Variants in SYCP1 observed in about 807,000 individuals in gnomAD.
The protein encoded by SYCP1 is synaptonemal complex protein 1, also known as cancer/testis antigen 8.
Under a neutral mutation model 153.1 loss-of-function variants are expected in SYCP1, and 64 were observed. The ratio of observed to expected loss-of-function variants is 0.42; its 90% CI spans 0.34 to 0.51. The LOEUF (loss-of-function observed/expected upper bound fraction) is 0.51, where lower values mean the gene tolerates loss of function less well. Among genes scored for constraint, SYCP1 ranks in the 20% least tolerant of loss-of-function variants. The probability of loss-of-function intolerance (pLI) is 0.06; values close to 1 mark genes in which losing one functional copy is unlikely to be tolerated. For missense variants in SYCP1, 997 were observed against 1,049.0 expected, an observed-to-expected ratio of 0.95 and a Z score of 0.68; for synonymous variants, 384 against 341.8, an observed-to-expected ratio of 1.12 and a Z score of -1.36.
intron 12 of SYCP1, among the ~76,000 whole-genome samples, chr1:114,880,908 G>A (rs1222241153): frequency 6.6e-6 from 1 of 151,954 alleles, no homozygotes; most frequent in Non-Finnish European, 1.5e-5. Context: ...TTTAATGTTT[G>A]CTTGTTATTG....
In SYCP1 at chr1:114,886,187, T is replaced by A; in HGVS notation, c.1068T>A (p.Thr356=). The A allele has an allele frequency of 1.2e-6, 2 of 1,611,928 alleles. No individual in the cohort carries two copies. Among genetic ancestry groups the A allele is most frequent in the Non-Finnish European group, 1.7e-6 (2 of 1,179,172 alleles). The change falls in exon 14 of 32, where the codon ACT becomes ACA. Residue 356 remains threonine (T), a synonymous_variant. Coordinates refer to ENST00000369522, the MANE Select transcript of SYCP1 (RefSeq NM_003176.4). ...QIATKTICQL[T]EEKETQMEES... Reference sequence around the variant, plus strand: ...CAACAAAAACAATTTGTCAGCTAACTGAAGAAAAAGAAACTCAAATGGAAG... The same window carrying A: ...CAACAAAAACAATTTGTCAGCTAACAGAAGAAAAAGAAACTCAAATGGAAG...
intron 27 of SYCP1, among the ~76,000 whole-genome samples, chr1:114,951,463 T>C (rs1039603511): frequency 7.2e-5 from 11 of 152,214 alleles, no homozygotes; most frequent in African/African-American, 2.7e-4. Flanking sequence ...AAGATAGATA[T>C]TTCTTTACAA....
chr1:114,903,728 A>G (rs1557785944), intron 16 of SYCP1, among the ~76,000 whole-genome samples: 1 of 152,212 alleles, frequency 6.6e-6, no homozygotes, highest in South Asian at 2.1e-4. Context: ...AGAACAGTTA[A>G]GAGTAGACAG....
chr1:114,872,213 C>A (rs1311976385), intron 8 of SYCP1, among the ~76,000 whole-genome samples: 7 of 151,918 alleles, frequency 4.6e-5, no homozygotes, highest in Admixed American at 1.3e-4. Flanking sequence ...TAAATAATTT[C>A]TTTTAACATT....
intron 12 of SYCP1, among the ~76,000 whole-genome samples, chr1:114,884,600 G>C (rs1279312461): frequency 6.6e-6 from 1 of 152,130 alleles, no homozygotes; most frequent in African/African-American, 2.4e-5. Flanking sequence ...TTAGTGTTCA[G>C]TTTCTACCAT....
chr1:114,982,259 T>G (rs182367049), intron 29 of SYCP1, among the ~76,000 whole-genome samples: 3 of 152,128 alleles, frequency 2.0e-5, no homozygotes, highest in Admixed American at 1.3e-4. Flanking sequence ...ATAAAGATGC[T>G]CTTGGAGTTC....
At chr1:114,966,392 G>GA (rs1216871435) in intron 27 of SYCP1, among the ~76,000 whole-genome samples, 1 of 151,960 alleles carries the variant, frequency 6.6e-6, no homozygotes, top group African/African-American at 2.4e-5. Flanking sequence ...GCCAGCTTTT[G>GA]AATCTGTTTG....
intron 20 of SYCP1, among the ~76,000 whole-genome samples, chr1:114,917,803 A>C (rs1668603950): frequency 2.0e-5 from 3 of 152,146 alleles, no homozygotes; most frequent in African/African-American, 7.2e-5. Flanking sequence ...GCCTATTTAG[A>C]TCTTTCGCCC....
chr1:114,981,264 C>A, intron 28 of SYCP1, 72 bp from the exon 29 acceptor site: 2 of 1,242,736 alleles, frequency 1.6e-6, no homozygotes, highest in Non-Finnish European at 2.2e-6. Flanking sequence ...AGTTGCTGCA[C>A]TTTAATTAAA....
chr1:114,884,731 A>C (rs1185299766), intron 12 of SYCP1, among the ~76,000 whole-genome samples: 1 of 152,214 alleles, frequency 6.6e-6, no homozygotes. Flanking sequence ...GACTCTTCAT[A>C]ATATGAATAA....
chr1:114,928,796 C>T (rs1480347754), intron 23 of SYCP1, among the ~76,000 whole-genome samples: 1 of 152,160 alleles, frequency 6.6e-6, no homozygotes, highest in African/African-American at 2.4e-5. Context: ...GTTAGTGATA[C>T]ATACTATCCT....
chr1:114,975,333 AGTGTGTGTGTGTGTGT>A (rs10641182), intron 27 of SYCP1, among the ~76,000 whole-genome samples: 3 of 146,470 alleles, frequency 2.0e-5, no homozygotes. Flanking sequence ...CTCTAAAGTA[AGTGTGTGTGTGTGTGT>A]GTGTGTGTGT....
chr1:114,863,900 C>T (rs1449706341), intron 8 of SYCP1, among the ~76,000 whole-genome samples: 1 of 149,914 alleles, frequency 6.7e-6, no homozygotes, highest in Non-Finnish European at 1.5e-5. Context: ...AATGTTCTCA[C>T]TCATAAGTGG....
At position 114,885,615 on chromosome 1, in the gene SYCP1, T is replaced by C; in HGVS notation, c.991T>C (p.Leu331=). ...TKELEDIKVS[L]QRSVSTQKAL... ...AGAACTAGAAGATATTAAAGTGTCATTACAAAGAAGTGTGGTATGATTTAA... is the reference window on the plus strand; with the variant it reads ...AGAACTAGAAGATATTAAAGTGTCACTACAAAGAAGTGTGGTATGATTTAA... Residue 331 remains leucine (L), a synonymous_variant, in exon 13 of 32, where the codon TTA becomes CTA. Transcript: ENST00000369522. The C allele has an allele frequency of 6.4e-7, 1 of 1,573,178 alleles. No individual in the cohort carries two copies. Among genetic ancestry groups the C allele is most frequent in the Non-Finnish European group, 8.6e-7 (1 of 1,156,892 alleles).
intron 24 of SYCP1, 98 bp from the exon 25 acceptor site, chr1:114,944,774 G>C (rs1398926286): frequency 9.0e-6 from 8 of 887,842 alleles, no homozygotes; most frequent in Non-Finnish European, 1.4e-5. Flanking sequence ...CCTGGTGTTT[G>C]AGGTTTGCTT....
At chr1:114,961,955 A>G (rs1671806313) in intron 27 of SYCP1, among the ~76,000 whole-genome samples, 1 of 142,682 alleles carries the variant, frequency 7.0e-6, no homozygotes, top group Admixed American at 7.0e-5. Flanking sequence ...GTCCCCCACT[A>G]TTATTTGTGT....
At chr1:114,951,878 A>T (rs1671131114) in intron 27 of SYCP1, among the ~76,000 whole-genome samples, 1 of 152,034 alleles carries the variant, frequency 6.6e-6, no homozygotes, top group Admixed American at 6.5e-5. Context: ...TGTTATCTAG[A>T]TGGATTCATA....
intron 23 of SYCP1, among the ~76,000 whole-genome samples, chr1:114,939,849 C>T (rs1022730046): frequency 6.6e-6 from 1 of 152,256 alleles, no homozygotes; most frequent in East Asian, 1.9e-4. Context: ...TATGCAAAGG[C>T]TTTTAATTTC....
intron 17 of SYCP1, 37 bp downstream of exon 17, chr1:114,910,538 G>T: frequency 1.5e-6 from 2 of 1,313,400 alleles, no homozygotes; most frequent in Non-Finnish European, 2.1e-6. Context: ...TAAATATTTT[G>T]TTAATAGAAC....
Sources: gnomAD v4.1 joint callset for allele counts (sites outside exome capture counted in the v4.1 genomes callset) on GRCh38, gnomAD v4.1.1 for gene constraint, MANE v1.5 for transcripts, NCBI Gene and HGNC (gene_info 2026-07-23, HGNC 2026-07-21) for gene names.